Variants in DENND4A observed in about 807,000 individuals in gnomAD.
DENND4A encodes the protein DENN domain containing 4A, also known as C-myc promoter-binding protein.
Under a neutral mutation model 199.3 loss-of-function variants are expected in DENND4A, and 70 were observed. The ratio of observed to expected loss-of-function variants is 0.35; its 90% CI spans 0.29 to 0.43. DENND4A has a LOEUF of 0.43. DENND4A is among the 20% of genes least tolerant of loss of function. The probability of loss-of-function intolerance (pLI) is 1.00; values close to 1 mark genes in which losing one functional copy is unlikely to be tolerated. For synonymous variants in DENND4A, 686 were observed against 766.9 expected (o/e 0.89, Z 1.74); for missense variants, 1,723 against 2,255.8 (o/e 0.76, Z 4.78).
chr15:65,758,353 G>A (rs940774001), intron 2 of DENND4A, among the ~76,000 whole-genome samples: 6 of 151,998 alleles, frequency 3.9e-5, no homozygotes, highest in Non-Finnish European at 7.4e-5. Context: ...TCGCTCTGTC[G>A]CCCAGGCTGA....
At chr15:65,689,975 T>A (rs990673430) in intron 23 of DENND4A, among the ~76,000 whole-genome samples, 1 of 152,188 alleles carries the variant, frequency 6.6e-6, no homozygotes, top group Admixed American at 6.5e-5. Context: ...TTTAAACAGA[T>A]ACTTTCTCTA....
At chr15:65,699,047 C>T (rs2077258721) in intron 20 of DENND4A, among the ~76,000 whole-genome samples, 1 of 151,996 alleles carries the variant, frequency 6.6e-6, no homozygotes, top group African/African-American at 2.4e-5. Context: ...CTAAGATAGC[C>T]TTTTTAAAAG....
In DENND4A at chr15:65,701,156, T is replaced by G. The variant is rs374703270; in HGVS notation, c.2596A>C (p.Ser866Arg). ...LESTWPSRSRSGYFLWTKVRN... is the reference protein window; with the variant it reads ...LESTWPSRSRRGYFLWTKVRN... ...ACTTTTGTCCAAAGAAAATAGCCAC[T>G]ACGACTTCTTGAAGGCCAGGTACTT... is the stretch of plus-strand genomic sequence containing the variant. The change falls in exon 19 of 33, where the codon AGT becomes CGT. Residue 866 changes from serine to arginine, a missense_variant. Physicochemically the swap from Ser to Arg is moderately radical, Grantham distance 110 (BLOSUM62 -1). Transcript: ENST00000443035. 6.2e-7 allele frequency: 1 copy of G among 1,608,318 alleles called. No homozygotes were observed. The highest frequency in any genetic ancestry group is 1.3e-5 in the African/African-American group (1 of 74,716).
chr15:65,782,526 T>C (rs2077460629), intron 1 of DENND4A, among the ~76,000 whole-genome samples: 1 of 152,206 alleles, frequency 6.6e-6, no homozygotes, highest in Admixed American at 6.5e-5. Context: ...GGTTGCAAAC[T>C]GCAGCTTTGT....
intron 20 of DENND4A, among the ~76,000 whole-genome samples, chr15:65,699,357 G>A (rs571699819): frequency 6.6e-6 from 1 of 152,040 alleles, no homozygotes; most frequent in African/African-American, 2.4e-5. Flanking sequence ...CAAAAGTCAT[G>A]TGTAATTTTT....
chr15:65,668,654 C>T (rs937088421), intron 27 of DENND4A, among the ~76,000 whole-genome samples: 1 of 152,082 alleles, frequency 6.6e-6, no homozygotes, highest in South Asian at 2.1e-4. Context: ...AACCCTGTCT[C>T]TACTAAAAAT....
rs752329467 is a variant in DENND4A, at chr15:65,722,746, C to T, written c.1588+102G>A. 1.5e-5 allele frequency: 13 copies of T among 889,472 alleles called. No homozygotes were observed. In the East Asian group the frequency reaches 2.3e-4, roughly 16 times the overall value. The allele number at this position is 889,472 out of a possible 1,614,324, so 55.1% of individuals were successfully genotyped here. On this transcript the variant is annotated intron_variant, in intron 12 of 32. Coordinates refer to ENST00000443035, the MANE Select transcript of DENND4A (RefSeq NM_001320835.1). ...TCATCTGCCTTTAAAATGGTAAAAC[C>T]GCTTTCTGCTAGATAAACATTATTC...
In DENND4A at chr15:65,665,405, C is replaced by T. The variant is rs768086262; in HGVS notation, c.5299G>A (p.Asp1767Asn). 1 of 1,613,620 alleles carries T rather than the reference C, an allele frequency of 6.2e-7. No homozygotes were observed. The highest frequency in any genetic ancestry group is 1.1e-5 in the South Asian group (1 of 91,044). Reference sequence around the variant, plus strand: ...GGATCCTGATGTAACTTCATATTGTCCCATAACATTTGTATTAAAACATAT... The same window carrying T: ...GGATCCTGATGTAACTTCATATTGTTCCATAACATTTGTATTAAAACATAT... ...SKYVLIQMLW[D>N]NMKLHQDPGQ... The change falls in exon 30 of 33, where the codon GAC becomes AAC. Residue 1767 changes from aspartate (D) to asparagine (N), a missense_variant. Coordinates refer to ENST00000443035, the MANE Select transcript of DENND4A (RefSeq NM_001320835.1).
chr15:65,710,873 C>T (rs952464932), intron 14 of DENND4A, among the ~76,000 whole-genome samples: 1 of 152,158 alleles, frequency 6.6e-6, no homozygotes, highest in African/African-American at 2.4e-5. Flanking sequence ...TTCTACCACT[C>T]TCTCTTGTTC....
intron 11 of DENND4A, among the ~76,000 whole-genome samples, chr15:65,725,385 G>C (rs1031555223): frequency 1.3e-5 from 2 of 152,080 alleles, no homozygotes; most frequent in East Asian, 1.9e-4. Context: ...GGGTTAATAA[G>C]AACTACCTCG....
chr15:65,664,305 C>A, intron 32 of DENND4A, 25 bp downstream of exon 32: 1 of 1,282,430 alleles, frequency 7.8e-7, no homozygotes, highest in Non-Finnish European at 1.1e-6. Flanking sequence ...ATAAATATTA[C>A]ATATTAGATA....
At position 65,691,329 on chromosome 15, in the gene DENND4A, T is replaced by C; in HGVS notation, c.3265A>G (p.Asn1089Asp). The C allele has an allele frequency of 6.2e-7, 1 of 1,613,574 alleles. No homozygotes were observed. The highest frequency in any genetic ancestry group is 8.5e-7 in the Non-Finnish European group (1 of 1,179,746). ...GGGGTTGCTTCCTGGTTAATTCTATTGAGCATAAATCCCATCAGTACCCCT... is the reference window on the plus strand; with the variant it reads ...GGGGTTGCTTCCTGGTTAATTCTATCGAGCATAAATCCCATCAGTACCCCT... The part of the protein sequence containing the change: ...SGGVLMGFML[N>D]RINQEATPGD... Residue 1089 changes from asparagine (N) to aspartate (D), a missense_variant, in exon 23 of 33, where the codon AAT becomes GAT. Physicochemically the swap from Asn to Asp is conservative, Grantham distance 23. Transcript: ENST00000443035.
At chr15:65,782,062 C>T (rs1251698953) in intron 1 of DENND4A, among the ~76,000 whole-genome samples, 1 of 152,114 alleles carries the variant, frequency 6.6e-6, no homozygotes, top group Admixed American at 6.5e-5. Flanking sequence ...CCACAAGGGC[C>T]CTTGTCATTG....
chr15:65,752,048 ATTGAGATGTGGGATCTAGTCCCG>A (rs1275009623), intron 4 of DENND4A, among the ~76,000 whole-genome samples: 5 of 126,758 alleles, frequency 3.9e-5, no homozygotes, highest in Non-Finnish European at 7.9e-5. Flanking sequence ...AAATGGGTAA[ATTGAGATGTGGGATCTAGTCCCG>A]TTGAGGTGTG....
chr15:65,754,322 C>G (rs1188777141), intron 3 of DENND4A, among the ~76,000 whole-genome samples: 1 of 152,058 alleles, frequency 6.6e-6, no homozygotes, highest in African/African-American at 2.4e-5. Flanking sequence ...TTTTTCTTAA[C>G]TTAAAAAAGG....
At chr15:65,705,089 A>G (rs1278287889) in intron 15 of DENND4A, among the ~76,000 whole-genome samples, 1 of 152,206 alleles carries the variant, frequency 6.6e-6, no homozygotes, top group African/African-American at 2.4e-5. Context: ...AATATTTTAA[A>G]TATCTTTGAC....
intron 1 of DENND4A, among the ~76,000 whole-genome samples, chr15:65,765,565 T>C (rs1185401095): frequency 6.6e-6 from 1 of 152,236 alleles, no homozygotes; most frequent in Non-Finnish European, 1.5e-5. Context: ...ATTGATACAA[T>C]TCACCTGTCT....
In DENND4A at chr15:65,700,531, A is replaced by T. The variant is rs1194465606; in HGVS notation, c.2833+13T>A. The T allele has an allele frequency of 7.0e-6, 10 of 1,429,882 alleles. No individual in the cohort carries two copies. The highest frequency in any genetic ancestry group is 1.8e-4 in the Middle Eastern group (1 of 5,604). The allele number at this position is 1,429,882 out of a possible 1,614,324, so 88.6% of individuals were successfully genotyped here. On this transcript the variant is annotated intron_variant, in intron 20 of 32. Transcript: ENST00000443035. ...ATGTACTATAATAAATGTATACATAAGCATACACAAACCTGTACTAGATCT... is the reference window on the plus strand; with the variant it reads ...ATGTACTATAATAAATGTATACATATGCATACACAAACCTGTACTAGATCT...
intron 3 of DENND4A, among the ~76,000 whole-genome samples, chr15:65,755,443 T>C (rs2076676424): frequency 6.6e-6 from 1 of 152,150 alleles, no homozygotes; most frequent in African/African-American, 2.4e-5. Context: ...TACCCCAATA[T>C]CCTTCTTTGA....
Sources: allele counts gnomAD v4.1 joint callset (sites outside exome capture counted in the v4.1 genomes callset), GRCh38; gene constraint gnomAD v4.1.1; transcripts MANE v1.5; gene names NCBI Gene and HGNC (gene_info 2026-07-23, HGNC 2026-07-21).